Variants in MAP4 observed in about 807,000 individuals in gnomAD.
MAP4 encodes microtubule associated protein 4, also known as microtubule-associated protein 4.
A neutral mutation model predicts 170.2 loss-of-function variants in MAP4; 76 were observed. The observed-to-expected ratio is 0.45, with a 90% CI of 0.37 to 0.54. The LOEUF is 0.54. Ranked by LOEUF, MAP4 falls within the 20% of genes least tolerant of loss-of-function variation. The pLI, the probability that MAP4 is intolerant of heterozygous loss-of-function variation, is 0.00. For synonymous variants in MAP4, 909 were observed against 994.5 expected, an observed-to-expected ratio of 0.91 and a Z score of 1.62; for missense variants, 2,506 against 2,748.0, an observed-to-expected ratio of 0.91 and a Z score of 1.97.
At chr3:47,876,132 C>CTTTTTTTTTTTTTTTTTTTT (rs756229459) in intron 11 of MAP4, among the ~76,000 whole-genome samples, 1 of 140,570 alleles carries the variant, frequency 7.1e-6, no homozygotes. Flanking sequence ...TTTTCTTTTT[C>CTTTTTTTTTTTTTTTTTTTT]TTTCTTTTTT....
chr3:48,025,903 AAATAATAAT>A (rs10645414), intron 1 of MAP4, among the ~76,000 whole-genome samples: 47 of 140,254 alleles, frequency 3.4e-4, no homozygotes, highest in African/African-American at 1.0e-3. Context: ...TCTGCCTCAA[AAATAATAAT>A]AATAATAATA....
At chr3:47,946,794 T>C (rs2100060311) in intron 3 of MAP4, among the ~76,000 whole-genome samples, 1 of 152,096 alleles carries the variant, frequency 6.6e-6, no homozygotes, top group Non-Finnish European at 1.5e-5. Context: ...TAACTTATAA[T>C]GAACCCTATT....
intron 10 of MAP4, chr3:47,892,566 G>A (rs151060310): frequency 1.2e-3 from 1,725 of 1,445,728 alleles, no homozygotes; most frequent in Admixed American, 2.8e-3. Flanking sequence ...AGAGCTTGCA[G>A]TGACATCACA....
Position 47,875,857 on chromosome 3 carries a change from G to A in MAP4, c.5585C>T (p.Ala1862Val), listed in dbSNP as rs1012085826. 6.2e-7 allele frequency: 1 copy of A among 1,612,998 alleles called. No individual in the cohort carries two copies. The highest frequency in any genetic ancestry group is 1.3e-5 in the African/African-American group (1 of 74,754). ...AGGGAGAGAAGTGGGCTGTGTTTTG[G>A]CTTTCGATGTTGAAGTCTTTGCAGG... is the stretch of plus-strand genomic sequence containing the variant. The part of the protein sequence containing the change: ...TQPAKTSTSK[A>V]KTQPTSLPKQ... Residue 1862 changes from alanine to valine, a missense_variant, in exon 12 of 21, where the codon GCC becomes GTC. Ala to Val is a moderately conservative substitution (Grantham distance 64). Around this residue, in one of 3 missense-constraint regions of MAP4, gnomAD observed 2,008 missense variants for 2,206.0 expected, o/e 0.91. Transcript: ENST00000683076.
At chr3:47,889,867 C>G (rs1472801701) in intron 10 of MAP4, among the ~76,000 whole-genome samples, 2 of 151,628 alleles carry the variant, frequency 1.3e-5, no homozygotes. Flanking sequence ...AACTATTAAG[C>G]TTCTTTGCCT....
Position 48,069,923 on chromosome 3 carries a change from A to G in MAP4, c.-20+18850T>C, listed in dbSNP as rs891969697. Among the ~76,000 whole-genome samples, 4 of 152,200 alleles carry G rather than the reference A, an allele frequency of 2.6e-5. No homozygotes were observed. In the South Asian group the frequency reaches 8.3e-4, roughly 31 times the overall value. On this transcript the variant is annotated intron_variant, in intron 1 of 18. Transcript: ENST00000360240. ...GTTTTAAGAAAATCAGATGTGATTA[A>G]AAGTGTGAGATTATCCCTTTTTTTA...
chr3:47,872,529 T>C (rs1380941515), intron 12 of MAP4, among the ~76,000 whole-genome samples: 1 of 152,140 alleles, frequency 6.6e-6, no homozygotes. Context: ...GGAGGTACTG[T>C]GGGTTCAGCA....
At chr3:48,029,191 A>G (rs537256524) in intron 1 of MAP4, among the ~76,000 whole-genome samples, 64 of 152,018 alleles carry the variant, frequency 4.2e-4, no homozygotes, top group Admixed American at 2.6e-3. Context: ...TAATCCCAGC[A>G]CTTTGTGAGG....
chr3:48,060,908 G>C (rs565015145), intron 1 of MAP4, among the ~76,000 whole-genome samples: 4 of 152,180 alleles, frequency 2.6e-5, no homozygotes, highest in Admixed American at 1.3e-4. Flanking sequence ...ACAGTGGTGC[G>C]ATCTCGGCTC....
Position 47,911,519 on chromosome 3 carries a change from C to CT in MAP4, c.2901dup (p.Glu968ArgfsTer13). The CT allele has an allele frequency of 6.5e-7, 1 of 1,535,918 alleles. No homozygotes were observed. The highest frequency in any genetic ancestry group is 8.7e-7 in the Non-Finnish European group (1 of 1,146,834). ...AAAGTGGGTACCAAATTTGGTATTT[C>CT]TTTTGCTGCTGTGGGTTTTGAAACT... On this transcript the variant is annotated frameshift_variant, in exon 9 of 21. Transcript: ENST00000683076. LOFTEE classifies it high-confidence loss of function. The surrounding 1 kb of genome is among the most constrained non-coding windows in gnomAD (Gnocchi z 4.0).
At chr3:47,885,535 C>T (rs1423064271) in intron 10 of MAP4, among the ~76,000 whole-genome samples, 2 of 152,066 alleles carry the variant, frequency 1.3e-5, no homozygotes, top group African/African-American at 4.8e-5. Context: ...GTTGTATTTA[C>T]AGGGGAGGAG....
chr3:47,882,093 A>G (rs915880691), intron 10 of MAP4, among the ~76,000 whole-genome samples: 2 of 152,176 alleles, frequency 1.3e-5, no homozygotes, highest in African/African-American at 2.4e-5. Context: ...AGCCTGGCCA[A>G]CAGGGTGAAA....
chr3:47,950,016 C>A (rs1446617088), intron 3 of MAP4, among the ~76,000 whole-genome samples: 2 of 152,180 alleles, frequency 1.3e-5, no homozygotes, highest in African/African-American at 2.4e-5. Flanking sequence ...TTGCTTTTAA[C>A]CCTCGGCTGG....
chr3:47,865,882 C>T (rs1269013269), intron 17 of MAP4, among the ~76,000 whole-genome samples: 4 of 152,192 alleles, frequency 2.6e-5, no homozygotes, highest in Admixed American at 6.5e-5. Context: ...GTGTTCTTCA[C>T]ACACTCGACG....
chr3:47,896,988 A>G (rs1002092957), intron 10 of MAP4, among the ~76,000 whole-genome samples: 3 of 152,146 alleles, frequency 2.0e-5, no homozygotes, highest in African/African-American at 7.2e-5. Context: ...GTGTCCAGAG[A>G]AAAAAAGTGG....
chr3:47,890,893 A>G lies in MAP4; in HGVS notation c.5434+12057T>C, dbSNP rs1293601031. 15 of 715,778 alleles carry G rather than the reference A, an allele frequency of 2.1e-5. No individual in the cohort carries two copies. The East Asian group carries it at 2.5e-4, about 12-fold the overall frequency. 44.3% of individuals were successfully genotyped at this position (715,778 alleles called of 1,614,324 possible). A position where few individuals can be genotyped will look rare whatever the true frequency, so the allele number is the denominator to read the frequency against. On this transcript the variant is annotated intron_variant, in intron 10 of 20. Coordinates refer to ENST00000683076, the MANE Select transcript of MAP4 (RefSeq NM_001385682.1). ...CCCAGCAAGCTTCCAACACAAGGGAATTAAGCTTTCCCCAGGCAGTCACAG... is the reference window on the plus strand; with the variant it reads ...CCCAGCAAGCTTCCAACACAAGGGAGTTAAGCTTTCCCCAGGCAGTCACAG...
chr3:48,055,279 G>C lies in MAP4; in HGVS notation c.-20+33494C>G, dbSNP rs567363811. Among the ~76,000 whole-genome samples, 50 of 152,100 alleles carry C rather than the reference G, an allele frequency of 3.3e-4. 1 individual carries two copies. In the East Asian group the frequency reaches 4.1e-3, roughly 12 times the overall value. The stretch of plus-strand genomic sequence containing the variant: ...TCTCATGCGGAGCCGAAGCTGGACT[G>C]TACTGCTGCCATCTCGGCTCACTGC... On this transcript the variant is annotated intron_variant, in intron 1 of 18. Transcript: ENST00000360240.
At chr3:48,040,044 T>C (rs2100120826) in intron 1 of MAP4, among the ~76,000 whole-genome samples, 3 of 152,186 alleles carry the variant, frequency 2.0e-5, no homozygotes. Flanking sequence ...ACCAGTCACA[T>C]TGACTATACA....
rs571090158 is a variant in MAP4, at chr3:48,072,533, AT to A, written c.-20+16239del. Among the ~76,000 whole-genome samples, 39 of 152,208 alleles carry A rather than the reference AT, an allele frequency of 2.6e-4. No individual in the cohort carries two copies. In the South Asian group the frequency reaches 6.0e-3, roughly 23 times the overall value. ...TAAATTATAAATTCATGAAAAAACT[AT>A]TTTTTTAATGAGGCCAGAACACATT... is the stretch of plus-strand genomic sequence containing the variant. On this transcript the variant is annotated intron_variant, in intron 1 of 18. Coordinates refer to the MAP4 transcript ENST00000360240.
Sources: gnomAD v4.1 joint callset for allele counts (sites outside exome capture counted in the v4.1 genomes callset) on GRCh38, gnomAD v4.1.1 for gene constraint, gnomAD v4.1.1 regional missense constraint, Gnocchi (gnomAD v3.1) non-coding constraint, MANE v1.5 for transcripts, NCBI Gene and HGNC (gene_info 2026-07-23, HGNC 2026-07-21) for gene names.